Variants in PGM3 observed in about 807,000 individuals in gnomAD.
PGM3 encodes phosphoacetylglucosamine mutase.
Under a neutral mutation model 66.2 loss-of-function variants are expected in PGM3, and 40 were observed. The ratio of observed to expected loss-of-function variants is 0.60; its 90% CI spans 0.47 to 0.79. PGM3 has a LOEUF of 0.79. PGM3 is among the 30% of genes least tolerant of loss of function. The pLI is 0.00. For missense variants in PGM3, 537 were observed against 643.4 expected, an observed-to-expected ratio of 0.83 and a Z score of 1.79; for synonymous variants, 191 against 224.2, an observed-to-expected ratio of 0.85 and a Z score of 1.32.
chr6:83,152,606 G>GT, the PGM3 span, among the ~76,000 whole-genome samples: 1 of 144,896 alleles, frequency 6.9e-6, no homozygotes, highest in Admixed American at 6.9e-5. Flanking sequence ...TTTTTTATGT[G>GT]TTTTTTTCTT....
At chr6:83,153,054 A>ATG in the PGM3 span, among the ~76,000 whole-genome samples, 2 of 152,148 alleles carry the variant, frequency 1.3e-5, no homozygotes, top group Non-Finnish European at 2.9e-5. Context: ...CTCTTTGCAG[A>ATG]TGTGGATAGT....
chr6:83,172,943 GA>G, intron 10 of PGM3, among the ~76,000 whole-genome samples: 1 of 152,196 alleles, frequency 6.6e-6, no homozygotes, highest in Non-Finnish European at 1.5e-5. Flanking sequence ...CTGACAGAGT[GA>G]CACCTTTGCT....
chr6:83,180,270 G>C (rs1788082834), intron 6 of PGM3, among the ~76,000 whole-genome samples: 1 of 152,106 alleles, frequency 6.6e-6, no homozygotes, highest in African/African-American at 2.4e-5. Context: ...AAAGCTACAT[G>C]TATTTCTGAA....
At position 83,174,371 on chromosome 6, in the gene PGM3, G is replaced by A. The variant is rs201135600; in HGVS notation, c.1242+3C>T. The A allele has an allele frequency of 9.4e-6, 14 of 1,484,962 alleles. No homozygotes were observed. The highest frequency in any genetic ancestry group is 5.1e-5 in the Admixed American group (3 of 59,104). 92.0% of individuals were successfully genotyped at this position (1,484,962 alleles called of 1,614,324 possible). ...AAGAGTCCACTGCCCCATCAGTTCT[G>A]ACCTGGTTAAACAAGTCAATAATGT... On this transcript the variant is annotated splice_donor_region_variant and intron_variant, in intron 10 of 12. Coordinates refer to ENST00000513973, the MANE Select transcript of PGM3 (RefSeq NM_015599.3).
chr6:83,166,357 C>G lies in PGM3; in HGVS notation c.*2877G>C, dbSNP rs910346083. Reference sequence around the variant, plus strand: ...CACTGCACTCCTCATCTTCAAGGCTCTAGTCTCCTTTGCAAAACTTCTTGA... The same window carrying G: ...CACTGCACTCCTCATCTTCAAGGCTGTAGTCTCCTTTGCAAAACTTCTTGA... On this transcript the variant is annotated 3_prime_UTR_variant, in exon 13 of 13. Transcript: ENST00000513973. The G allele has an allele frequency of 7.2e-5, 50 of 697,728 alleles. No individual in the cohort carries two copies. The Admixed American group carries it at 7.9e-4, about 11-fold the overall frequency. 43.2% of individuals were successfully genotyped at this position (697,728 alleles called of 1,614,324 possible).
At chr6:83,177,850 G>A (rs1787894328) in intron 8 of PGM3, among the ~76,000 whole-genome samples, 1 of 152,110 alleles carries the variant, frequency 6.6e-6, no homozygotes, top group Admixed American at 6.6e-5. Context: ...CAAAAGTCCT[G>A]TTAGATCAGT....
intron 10 of PGM3, among the ~76,000 whole-genome samples, chr6:83,172,686 A>C (rs1468873194): frequency 6.6e-6 from 1 of 151,968 alleles, no homozygotes; most frequent in Non-Finnish European, 1.5e-5. Context: ...ACAACAAAAA[A>C]AACCCACTAA....
rs185567590 is a variant in PGM3 at position 83,181,580 on chromosome 6, A to C, written c.787+156T>G. ...AGGCAGAGAGAGCAGACCATGTTTC[A>C]ATGGCTCTGAGAGTGGGAAGACTTC... On this transcript the variant is annotated intron_variant, in intron 6 of 12. Coordinates refer to ENST00000513973, the MANE Select transcript of PGM3 (RefSeq NM_015599.3). Among the ~76,000 whole-genome samples, 299 of 152,348 alleles carry C rather than the reference A, an allele frequency of 2.0e-3. 1 individual carries two copies. Among genetic ancestry groups the C allele is most frequent in the Admixed American group, 3.5e-3 (54 of 15,298 alleles).
chr6:83,169,901 A>C (rs1249288550), intron 12 of PGM3: 1 of 421,878 alleles, frequency 2.4e-6, no homozygotes, highest in East Asian at 7.0e-5. Flanking sequence ...TTGAAAAACA[A>C]ATCAAGAGTC....
intron 11 of PGM3, 115 bp downstream of exon 11, chr6:83,171,822 T>G: frequency 1.2e-6 from 1 of 807,368 alleles, no homozygotes. Flanking sequence ...ATGTATCATA[T>G]GTGTATGTAC....
intron 5 of PGM3, 72 bp from the exon 6 acceptor site, chr6:83,182,003 T>C: frequency 1.2e-6 from 1 of 843,190 alleles, no homozygotes. Context: ...AAAGCATATA[T>C]ACATATGTGC....
downstream of PGM3, among the ~76,000 whole-genome samples, chr6:83,159,173 CTT>C (rs1389070951): frequency 3.3e-5 from 5 of 152,120 alleles, no homozygotes; most frequent in African/African-American, 4.8e-5. Flanking sequence ...GTACTAATAA[CTT>C]TATTATTATA....
chr6:83,158,532 G>C (rs1783390551), downstream of PGM3: 1 of 1,493,730 alleles, frequency 6.7e-7, no homozygotes, highest in Non-Finnish European at 9.3e-7. Flanking sequence ...TAAATATCCA[G>C]TTTAAATAAA....
intron 8 of PGM3, among the ~76,000 whole-genome samples, chr6:83,178,417 C>T (rs1562419821): frequency 6.6e-6 from 1 of 152,224 alleles, no homozygotes; most frequent in East Asian, 1.9e-4. Context: ...TTTAGAAAGA[C>T]TTACATTCAT....
rs1472467361 is a variant in PGM3, at chr6:83,167,289, A to T, written c.*1945T>A. 21 of 985,238 alleles carry T rather than the reference A, an allele frequency of 2.1e-5. No individual in the cohort carries two copies. The highest frequency in any genetic ancestry group is 2.5e-5 in the Non-Finnish European group (21 of 829,886). 61.0% of individuals were successfully genotyped at this position (985,238 alleles called of 1,614,324 possible). On this transcript the variant is annotated 3_prime_UTR_variant, in exon 13 of 13. Transcript: ENST00000513973. ...CTTTCCTCCCTATGTTGTTTAGCAC[A>T]ACCCAGAAGGAGACAGCAGTGTCTC...
At chr6:83,152,097 T>G in the PGM3 span, 1 of 1,578,906 alleles carries the variant, frequency 6.3e-7, no homozygotes, top group Non-Finnish European at 8.7e-7. Flanking sequence ...TCATTTTGCC[T>G]AGCACTATAA....
In PGM3 at chr6:83,167,604, C is replaced by T; in HGVS notation, c.*1630G>A. The stretch of plus-strand genomic sequence containing the variant: ...TGTTTGACTCTATTCCTGTTCAAAG[C>T]TATTTCTGTTAACTAAGCTTATCTG... On this transcript the variant is annotated 3_prime_UTR_variant, in exon 13 of 13. Coordinates refer to ENST00000513973, the MANE Select transcript of PGM3 (RefSeq NM_015599.3). The T allele has an allele frequency of 3.4e-6, 4 of 1,171,204 alleles. No homozygotes were observed. Among genetic ancestry groups the T allele is most frequent in the Non-Finnish European group, 4.2e-6 (4 of 950,128 alleles). 72.6% of individuals were successfully genotyped at this position (1,171,204 alleles called of 1,614,324 possible).
chr6:83,179,677 CTTTT>C (rs1215329055), intron 7 of PGM3, 129 bp downstream of exon 7: 2 of 654,408 alleles, frequency 3.1e-6, no homozygotes, highest in Non-Finnish European at 5.0e-6. Flanking sequence ...TACCACTGCT[CTTTT>C]TTTAATTTTC....
At chr6:83,185,068 T>C (rs1248481013) in intron 4 of PGM3, among the ~76,000 whole-genome samples, 2 of 152,246 alleles carry the variant, frequency 1.3e-5, no homozygotes, top group Admixed American at 1.3e-4. Flanking sequence ...GTGATGGTTC[T>C]AGCGACAGAA....
Sources: allele counts gnomAD v4.1 joint callset (sites outside exome capture counted in the v4.1 genomes callset), GRCh38; gene constraint gnomAD v4.1.1; transcripts MANE v1.5; gene names NCBI Gene and HGNC (gene_info 2026-07-23, HGNC 2026-07-21).